Variants in KIF1B observed in about 807,000 individuals in gnomAD.
KIF1B encodes the protein kinesin family member 1B.
A neutral mutation model predicts 241.9 loss-of-function variants in KIF1B; 76 were observed. That is an observed-to-expected ratio of 0.31 (90% CI 0.26 to 0.38). The LOEUF is 0.38. KIF1B is among the 10% of genes least tolerant of loss of function. The pLI is 1.00. For synonymous variants in KIF1B, 750 were observed against 796.7 expected (o/e 0.94, Z 0.99); for missense variants, 1,622 against 2,271.4 (o/e 0.71, Z 5.81).
chr1:10,339,921 C>T (rs1049623201), intron 32 of KIF1B, 62 bp downstream of exon 32: 87 of 1,356,002 alleles, frequency 6.4e-5, no homozygotes, highest in Middle Eastern at 1.8e-4. Context: ...TTTCTCAGCC[C>T]GGGAAGGGTG....
intron 1 of KIF1B, among the ~76,000 whole-genome samples, chr1:10,215,049 G>A (rs1390673620): frequency 6.8e-6 from 1 of 146,310 alleles, no homozygotes; most frequent in Non-Finnish European, 1.5e-5. Context: ...ATACTCAATT[G>A]GTACTTTTAC....
At chr1:10,368,699 A>C (rs879370975) in intron 44 of KIF1B, among the ~76,000 whole-genome samples, 161 bp downstream of exon 44, 1 of 152,168 alleles carries the variant, frequency 6.6e-6, no homozygotes, top group African/African-American at 2.4e-5. Flanking sequence ...TATTCATTCT[A>C]ATTTTTCAGA....
chr1:10,222,596 T>G (rs1646859475), intron 1 of KIF1B, among the ~76,000 whole-genome samples: 1 of 152,214 alleles, frequency 6.6e-6, no homozygotes, highest in Non-Finnish European at 1.5e-5. Context: ...TCAATTTGAG[T>G]CTTCTCCTTA....
At chr1:10,358,982 A>G (rs1638339280) in intron 38 of KIF1B, among the ~76,000 whole-genome samples, 1 of 152,098 alleles carries the variant, frequency 6.6e-6, no homozygotes, top group South Asian at 2.1e-4. Flanking sequence ...AATTTTCTTG[A>G]CCCACACTCA....
chr1:10,227,842 A>T (rs1280144288), intron 1 of KIF1B: 1 of 154,362 alleles, frequency 6.5e-6, no homozygotes, highest in Non-Finnish European at 1.5e-5. Flanking sequence ...GTAACATTCT[A>T]TAATTCTTTC....
Position 10,252,600 on chromosome 1 carries a change from T to A in KIF1B, c.107-3647T>A, listed in dbSNP as rs1266050654. Among the ~76,000 whole-genome samples, 4 of 150,630 alleles carry A rather than the reference T, an allele frequency of 2.7e-5. No homozygotes were observed. The East Asian group carries it at 6.0e-4, about 23-fold the overall frequency. On this transcript the variant is annotated intron_variant, in intron 2 of 48. Transcript: ENST00000676179. ...CTAACTTTTGTATTTTTTGTGGAGA[T>A]GAGATTTCACCATGTTGCCCAGGCT...
Position 10,375,383 on chromosome 1 carries a change from TTTGTTG to T in KIF1B, c.5408+25_5408+30del, listed in dbSNP as rs371033478. 51 of 1,596,904 alleles carry T rather than the reference TTTGTTG, an allele frequency of 3.2e-5. No homozygotes were observed. The African/African-American group carries it at 6.7e-4, about 21-fold the overall frequency. On this transcript the variant is annotated intron_variant, in intron 48 of 48. Transcript: ENST00000676179. Reference sequence around the variant, plus strand: ...TAGCTGGCACAATACGGTAAGAAGTTTTGTTGTTGTTGTTGTTGTTTTTGAGACGGA... The same window carrying T: ...TAGCTGGCACAATACGGTAAGAAGTTTTGTTGTTGTTGTTTTTGAGACGGA...
intron 38 of KIF1B, among the ~76,000 whole-genome samples, chr1:10,360,464 C>T (rs1638390360): frequency 6.6e-6 from 1 of 152,074 alleles, no homozygotes; most frequent in Admixed American, 6.6e-5. Context: ...GTGGGCAGAT[C>T]ATCTGAGGTC....
rs1453382306 is a variant in KIF1B at position 10,295,163 on chromosome 1, A to C, written c.1668A>C (p.Thr556=). ...CLLYYIKDGI[T]RVGQADAERR... is the part of the protein sequence containing the mutation. ...TTTATTACATCAAAGATGGAATTAC[A>C]AGGTATATTTATTTCCTGTTTTGGT... The change falls in exon 18 of 49, where the codon ACA becomes ACC. Residue 556 remains threonine, a splice_region_variant and synonymous_variant. Transcript: ENST00000676179. 6.4e-7 allele frequency: 1 copy of C among 1,566,888 alleles called. No individual in the cohort carries two copies. Among genetic ancestry groups the C allele is most frequent in the South Asian group, 1.1e-5 (1 of 90,106 alleles).
At chr1:10,372,892 C>A (rs1474780819) in intron 45 of KIF1B, among the ~76,000 whole-genome samples, 1 of 151,790 alleles carries the variant, frequency 6.6e-6, no homozygotes, top group Non-Finnish European at 1.5e-5. Flanking sequence ...TGGCTCACTG[C>A]AACCTCCACC....
chr1:10,365,423 C>T lies in KIF1B; in HGVS notation c.4527C>T (p.Arg1509=), dbSNP rs746940453. ...LELLHEVEKT[R]HFLLLRERLG... ...GATCTTCTCAGGTGGAAAAAACCCG[C>T]CACTTTTTGCTGCTGCGTGAGAGAC... Residue 1509 remains arginine, a synonymous_variant, in exon 43 of 49, where the codon CGC becomes CGT. Transcript: ENST00000676179. The surrounding 1 kb of genome is among the most constrained non-coding windows in gnomAD (Gnocchi z 4.0). 1.2e-5 allele frequency: 19 copies of T among 1,614,024 alleles called. No homozygotes were observed. The highest frequency in any genetic ancestry group is 1.6e-5 in the Non-Finnish European group (19 of 1,180,042).
At chr1:10,359,585 A>AATTAAGTTTCC (rs1416271128) in intron 38 of KIF1B, among the ~76,000 whole-genome samples, 1 of 152,218 alleles carries the variant, frequency 6.6e-6, no homozygotes, top group Admixed American at 6.5e-5. Flanking sequence ...GTATCTATTA[A>AATTAAGTTTCC]ATTAAGTTTC....
rs539559033 is a variant in KIF1B, at chr1:10,224,404, C to T, written c.-79-7846C>T. Among the ~76,000 whole-genome samples the T allele has an allele frequency of 4.6e-5, 7 of 152,262 alleles. No homozygotes were observed. The South Asian group carries it at 1.5e-3, about 32-fold the overall frequency. Reference sequence around the variant, plus strand: ...GTGCTGGGATTACAAGCGTGAGCTGCCGTGCCCAGCCTGTTTTGTGTGTGT... The same window carrying T: ...GTGCTGGGATTACAAGCGTGAGCTGTCGTGCCCAGCCTGTTTTGTGTGTGT... On this transcript the variant is annotated intron_variant, in intron 1 of 48. Coordinates refer to ENST00000676179, the MANE Select transcript of KIF1B (RefSeq NM_001365951.3).
Position 10,378,225 on chromosome 1 carries a change from G to T in KIF1B, c.*1638G>T. On this transcript the variant is annotated 3_prime_UTR_variant, in exon 49 of 49. Transcript: ENST00000676179. Reference sequence around the variant, plus strand: ...AGGGGCACGGATGAACGTCCAGGGAGCCCGGGCCCCAGGCTTTGTTGCGTG... The same window carrying T: ...AGGGGCACGGATGAACGTCCAGGGATCCCGGGCCCCAGGCTTTGTTGCGTG... The T allele has an allele frequency of 2.9e-6, 2 of 689,576 alleles. No individual in the cohort carries two copies. The highest frequency in any genetic ancestry group is 5.4e-6 in the Non-Finnish European group (2 of 373,572). The allele number at this position is 689,576 out of a possible 1,614,324, so 42.7% of individuals were successfully genotyped here.
chr1:10,255,010 TTAA>T (rs1647695951), intron 2 of KIF1B, among the ~76,000 whole-genome samples: 1 of 151,908 alleles, frequency 6.6e-6, no homozygotes. Context: ...GTGCAGTGCA[TTAA>T]TATCAGCTCA....
At chr1:10,327,101 T>C (rs1651753361) in intron 27 of KIF1B, among the ~76,000 whole-genome samples, 1 of 152,186 alleles carries the variant, frequency 6.6e-6, no homozygotes, top group African/African-American at 2.4e-5. Context: ...CCTAGCACTT[T>C]GGCTCACACC....
At chr1:10,316,979 C>T (rs911334779) in intron 22 of KIF1B, among the ~76,000 whole-genome samples, 4 of 151,286 alleles carry the variant, frequency 2.6e-5, no homozygotes, top group African/African-American at 9.8e-5. Context: ...CAGGCCTGAT[C>T]ATAGCGCACT....
intron 2 of KIF1B, among the ~76,000 whole-genome samples, chr1:10,251,699 A>C (rs906161021): frequency 1.4e-4 from 21 of 150,568 alleles, no homozygotes; most frequent in African/African-American, 5.1e-4. Context: ...CTACCATTGC[A>C]CTCCAGCCTG....
intron 41 of KIF1B, among the ~76,000 whole-genome samples, 177 bp from the exon 42 acceptor site, chr1:10,364,923 A>C (rs1412338574): frequency 6.6e-6 from 1 of 151,056 alleles, no homozygotes; most frequent in Non-Finnish European, 1.5e-5. Flanking sequence ...GGAGAATGGC[A>C]TGAACCCAGG....
Sources: gnomAD v4.1 joint callset for allele counts (sites outside exome capture counted in the v4.1 genomes callset) on GRCh38, gnomAD v4.1.1 for gene constraint, Gnocchi (gnomAD v3.1) non-coding constraint, MANE v1.5 for transcripts, NCBI Gene and HGNC (gene_info 2026-07-23, HGNC 2026-07-21) for gene names.